Variants in TRPM3 observed in about 807,000 individuals in gnomAD.
TRPM3 encodes the protein transient receptor potential cation channel subfamily M member 3.
In TRPM3, 77 loss-of-function variants were observed where a neutral mutation model predicts 181.2. The ratio of observed to expected loss-of-function variants is 0.42; its 90% CI spans 0.35 to 0.51. TRPM3 has a LOEUF of 0.51. Among genes scored for constraint, TRPM3 ranks in the 20% least tolerant of loss-of-function variants. The pLI is 0.01. For missense variants in TRPM3, 1,759 were observed against 2,196.7 expected (o/e 0.80, Z 3.98); for synonymous variants, 745 against 796.4 (o/e 0.94, Z 1.09).
intron 1 of TRPM3, among the ~76,000 whole-genome samples, chr9:71,419,981 A>G (rs1565555541): frequency 6.6e-6 from 1 of 152,156 alleles, no homozygotes. Context: ...ATTCTTTTAA[A>G]TCAAATAATG....
In TRPM3 at chr9:71,432,642, ATTTC is replaced by A. The variant is rs1468579104; in HGVS notation, c.183+14007_183+14010del. On this transcript the variant is annotated intron_variant, in intron 1 of 24. Coordinates refer to the TRPM3 transcript ENST00000357533. ...AATGCTTTTAAATGCATAAAAACTC[ATTTC>A]TTTGTCACAAAATGGCTGTCGATAA... 2.8e-4 allele frequency among the ~76,000 whole-genome samples: 43 copies of A among 152,172 alleles called. 2 individuals carry two copies. Among genetic ancestry groups the A allele is most frequent in the Admixed American group, 2.8e-3 (43 of 15,278 alleles).
At chr9:70,788,552 A>G (rs1198798620) in intron 6 of TRPM3, among the ~76,000 whole-genome samples, 1 of 152,174 alleles carries the variant, frequency 6.6e-6, no homozygotes, top group African/African-American at 2.4e-5. Flanking sequence ...GACTGGTTTC[A>G]TGGAAGACAA....
In TRPM3 at chr9:71,034,636, C is replaced by G. The variant is rs76690115; in HGVS notation, c.177+86542G>C. Reference sequence around the variant, plus strand: ...GCTCGATTCAGTTTGACAGCTGACTCTGTGCATTTCTTCCCAATTCTGTGC... The same window carrying G: ...GCTCGATTCAGTTTGACAGCTGACTGTGTGCATTTCTTCCCAATTCTGTGC... On this transcript the variant is annotated intron_variant, in intron 1 of 25. Coordinates refer to ENST00000677713, the MANE Select transcript of TRPM3 (RefSeq NM_001366145.2). Among the ~76,000 whole-genome samples, 756 of 152,036 alleles carry G rather than the reference C, an allele frequency of 5.0e-3. 19 individuals are homozygous for G. In the East Asian group the frequency reaches 0.078, roughly 16 times the overall value.
At chr9:71,140,150 T>A (rs1418666718) in intron 1 of TRPM3, among the ~76,000 whole-genome samples, 1 of 152,204 alleles carries the variant, frequency 6.6e-6, no homozygotes, top group Admixed American at 6.5e-5. Flanking sequence ...CTCAGACTTC[T>A]ATTAATAATT....
chr9:70,646,233 C>G (rs2058822475), intron 9 of TRPM3, among the ~76,000 whole-genome samples: 1 of 152,172 alleles, frequency 6.6e-6, no homozygotes, highest in African/African-American at 2.4e-5. Flanking sequence ...GGTATGTACC[C>G]AAAGGATTAT....
intron 1 of TRPM3, among the ~76,000 whole-genome samples, chr9:71,431,765 T>A (rs1322025816): frequency 6.6e-6 from 1 of 152,198 alleles, no homozygotes; most frequent in Non-Finnish European, 1.5e-5. Flanking sequence ...CACAGTGGAA[T>A]GATGATGAAA....
intron 1 of TRPM3, among the ~76,000 whole-genome samples, chr9:70,932,706 C>T (rs1377913717): frequency 2.0e-5 from 3 of 152,116 alleles, no homozygotes; most frequent in Admixed American, 6.6e-5. Flanking sequence ...GAAGAAGTCA[C>T]GTTAACTCTA....
intron 1 of TRPM3, among the ~76,000 whole-genome samples, chr9:71,293,429 A>G (rs543466825): frequency 1.3e-5 from 2 of 152,058 alleles, no homozygotes; most frequent in African/African-American, 4.8e-5. Context: ...ACTTTTAAAT[A>G]CAACAAATTA....
intron 4 of TRPM3, among the ~76,000 whole-genome samples, chr9:70,845,289 G>C (rs921821425): frequency 2.6e-5 from 4 of 152,052 alleles, no homozygotes; most frequent in Admixed American, 2.0e-4. Context: ...GCCCAGGCTG[G>C]AGTGTGGTGG....
chr9:70,881,729 G>A (rs2095996870), intron 1 of TRPM3, among the ~76,000 whole-genome samples: 2 of 152,142 alleles, frequency 1.3e-5, no homozygotes, highest in East Asian at 1.9e-4. Context: ...TGGTGCTTTT[G>A]GCCATTTCTG....
intron 22 of TRPM3, among the ~76,000 whole-genome samples, chr9:70,554,891 CTTTTT>C (rs974807828): frequency 1.3e-5 from 2 of 152,016 alleles, no homozygotes; most frequent in Non-Finnish European, 2.9e-5. Flanking sequence ...GAGCAAGAAT[CTTTTT>C]TTTATTATTG....
intron 1 of TRPM3, among the ~76,000 whole-genome samples, chr9:70,925,349 C>G (rs369321026): frequency 2.8e-4 from 43 of 152,162 alleles, no homozygotes; most frequent in African/African-American, 1.0e-3. Flanking sequence ...AATCACCACC[C>G]TACCGCAATG....
chr9:70,643,576 G>A (rs905014263), intron 9 of TRPM3, among the ~76,000 whole-genome samples: 2 of 152,164 alleles, frequency 1.3e-5, no homozygotes, highest in African/African-American at 4.8e-5. Flanking sequence ...AGTGGTTCTC[G>A]GCTAAGGTGA....
intron 1 of TRPM3, among the ~76,000 whole-genome samples, chr9:71,104,361 T>C (rs1313415772): frequency 2.0e-5 from 3 of 152,216 alleles, no homozygotes; most frequent in Non-Finnish European, 4.4e-5. Context: ...TTAAAACCCA[T>C]GAGCTAATTT....
intron 1 of TRPM3, among the ~76,000 whole-genome samples, chr9:71,445,778 C>G (rs920323930): frequency 2.6e-5 from 4 of 152,142 alleles, no homozygotes; most frequent in Admixed American, 6.5e-5. Context: ...GGATGTAAAA[C>G]AAATACACAC....
chr9:70,557,633 T>C (rs1294878445), intron 22 of TRPM3, among the ~76,000 whole-genome samples: 2 of 152,150 alleles, frequency 1.3e-5, no homozygotes, highest in African/African-American at 4.8e-5. Flanking sequence ...ATCTGGAGAT[T>C]TATGTTCCCA....
At chr9:70,932,332 C>T (rs2096783792) in intron 1 of TRPM3, among the ~76,000 whole-genome samples, 1 of 152,062 alleles carries the variant, frequency 6.6e-6, no homozygotes, top group Non-Finnish European at 1.5e-5. Flanking sequence ...GCTTGCCTGT[C>T]CACCTGCCTG....
intron 1 of TRPM3, among the ~76,000 whole-genome samples, chr9:71,057,535 A>G (rs2060802031): frequency 6.6e-6 from 1 of 152,070 alleles, no homozygotes; most frequent in South Asian, 2.1e-4. Flanking sequence ...CTAAAGTACT[A>G]AAAGCAATGA....
chr9:71,137,926 G>A (rs2074865134), intron 1 of TRPM3, among the ~76,000 whole-genome samples: 1 of 152,054 alleles, frequency 6.6e-6, no homozygotes, highest in Non-Finnish European at 1.5e-5. Flanking sequence ...AGATCATCCT[G>A]GCCAACATGG....
Sources: allele counts gnomAD v4.1 joint callset (sites outside exome capture counted in the v4.1 genomes callset), GRCh38; gene constraint gnomAD v4.1.1; transcripts MANE v1.5; gene names NCBI Gene and HGNC (gene_info 2026-07-23, HGNC 2026-07-21).